Variants in EPB41L4B observed in about 807,000 individuals in gnomAD.
EPB41L4B encodes the protein erythrocyte membrane protein band 4.1 like 4B.
Under a neutral mutation model 112.5 loss-of-function variants are expected in EPB41L4B, and 30 were observed. That is an observed-to-expected ratio of 0.27 (90% confidence interval 0.20 to 0.36). EPB41L4B has a LOEUF of 0.36. Among genes scored for constraint, EPB41L4B ranks in the 10% least tolerant of loss-of-function variants. EPB41L4B has a pLI of 1.00. For synonymous variants in EPB41L4B, 408 were observed against 439.7 expected (o/e 0.93, Z 0.90); for missense variants, 1,024 against 1,133.3 (o/e 0.90, Z 1.38).
At chr9:109,312,608 T>C (rs898470764) in intron 1 of EPB41L4B, among the ~76,000 whole-genome samples, 1 of 152,166 alleles carries the variant, frequency 6.6e-6, no homozygotes, top group African/African-American at 2.4e-5. Flanking sequence ...GACAAGTTTC[T>C]TAACCTGTCT....
intron 24 of EPB41L4B, among the ~76,000 whole-genome samples, chr9:109,182,479 G>T (rs575599038): frequency 6.6e-6 from 1 of 152,200 alleles, no homozygotes; most frequent in Non-Finnish European, 1.5e-5. Flanking sequence ...TATTGGAACT[G>T]ATAGAAGTGG....
intron 24 of EPB41L4B, among the ~76,000 whole-genome samples, chr9:109,177,512 A>T (rs530691940): frequency 6.6e-6 from 1 of 152,312 alleles, no homozygotes; most frequent in East Asian, 1.9e-4. Context: ...GTATATAGAA[A>T]GCTTAGAAGA....
chr9:109,310,276 T>G (rs1462616670), intron 1 of EPB41L4B, among the ~76,000 whole-genome samples: 1 of 151,924 alleles, frequency 6.6e-6, no homozygotes, highest in African/African-American at 2.4e-5. Context: ...AACATGATAT[T>G]GTTTAGGAAA....
At chr9:109,237,945 CAGTGG>C (rs1450390575) in intron 15 of EPB41L4B, among the ~76,000 whole-genome samples, 2 of 151,898 alleles carry the variant, frequency 1.3e-5, no homozygotes, top group Non-Finnish European at 2.9e-5. Context: ...AATTAGATTT[CAGTGG>C]AGTGAACTGT....
intron 15 of EPB41L4B, among the ~76,000 whole-genome samples, chr9:109,219,925 G>A (rs566972686): frequency 6.6e-6 from 1 of 152,208 alleles, no homozygotes; most frequent in East Asian, 1.9e-4. Flanking sequence ...TGGACACAGA[G>A]AAGTAGTCCC....
Position 109,176,576 on chromosome 9 carries a change from G to T in EPB41L4B, c.2608C>A (p.Arg870=), listed in dbSNP as rs761185779. The part of the protein sequence containing the change: ...VSTVQTIYTT[R]KPVSLAASAE... ...CTGGCTGCCAGAGAAACAGGTTTCCGGGTGGTGTAAATGGTCTGCACTGTG... is the reference window on the plus strand; with the variant it reads ...CTGGCTGCCAGAGAAACAGGTTTCCTGGTGGTGTAAATGGTCTGCACTGTG... Residue 870 remains arginine (R), a synonymous_variant, in exon 25 of 26, where the codon CGG becomes AGG. Transcript: ENST00000374566. 6.2e-7 allele frequency: 1 copy of T among 1,610,836 alleles called. No homozygotes were observed. Among genetic ancestry groups the T allele is most frequent in the Admixed American group, 1.7e-5 (1 of 59,266 alleles).
At chr9:109,274,469 A>G (rs577934132) in intron 2 of EPB41L4B, among the ~76,000 whole-genome samples, 1 of 152,292 alleles carries the variant, frequency 6.6e-6, no homozygotes, top group African/African-American at 2.4e-5. Context: ...GGACCTTTAC[A>G]CTGGTTCTTT....
At chr9:109,259,958 T>C (rs1835136826) in intron 6 of EPB41L4B, among the ~76,000 whole-genome samples, 1 of 152,100 alleles carries the variant, frequency 6.6e-6, no homozygotes, top group South Asian at 2.1e-4. Flanking sequence ...AGCTCAGCTG[T>C]GGGTGAGGTG....
At chr9:109,226,818 T>C (rs1260983097) in intron 15 of EPB41L4B, among the ~76,000 whole-genome samples, 6 of 147,572 alleles carry the variant, frequency 4.1e-5, no homozygotes, top group Non-Finnish European at 7.4e-5. Context: ...GAAGAACATA[T>C]ATATATGAAG....
At chr9:109,312,618 T>G (rs1191687365) in intron 1 of EPB41L4B, among the ~76,000 whole-genome samples, 1 of 152,192 alleles carries the variant, frequency 6.6e-6, no homozygotes, top group Non-Finnish European at 1.5e-5. Flanking sequence ...TTAACCTGTC[T>G]GCTAAACCCT....
chr9:109,271,972 A>C (rs963701395), intron 2 of EPB41L4B, among the ~76,000 whole-genome samples: 17 of 152,206 alleles, frequency 1.1e-4, no homozygotes, highest in African/African-American at 4.1e-4. Flanking sequence ...TGACACCCAT[A>C]AGGCTGGTTG....
At chr9:109,215,270 A>ACTTTT (rs758384571) in intron 16 of EPB41L4B, among the ~76,000 whole-genome samples, 22 of 152,154 alleles carry the variant, frequency 1.4e-4, no homozygotes, top group East Asian at 1.2e-3. Context: ...CCACTTCAGT[A>ACTTTT]CTTTTCTTTT....
intron 15 of EPB41L4B, among the ~76,000 whole-genome samples, chr9:109,227,999 G>A (rs555375915): frequency 6.6e-6 from 1 of 152,306 alleles, no homozygotes; most frequent in South Asian, 2.1e-4. Flanking sequence ...ATTTTAAGAA[G>A]AGAATCACGT....
intron 21 of EPB41L4B, among the ~76,000 whole-genome samples, chr9:109,192,665 T>G (rs1832502021): frequency 6.6e-6 from 1 of 152,086 alleles, no homozygotes. Flanking sequence ...GTCCTCTGAA[T>G]GTATAAAGAG....
At chr9:109,284,785 A>G (rs1836207208) in intron 1 of EPB41L4B, among the ~76,000 whole-genome samples, 1 of 152,234 alleles carries the variant, frequency 6.6e-6, no homozygotes, top group South Asian at 2.1e-4. Flanking sequence ...CCATTCTGGT[A>G]CTTTTCCTTC....
chr9:109,295,603 A>G lies in EPB41L4B; in HGVS notation c.307-15682T>C, dbSNP rs1588219842. Among the ~76,000 whole-genome samples, 4 of 152,320 alleles carry G rather than the reference A, an allele frequency of 2.6e-5. No individual in the cohort carries two copies. The East Asian group carries it at 7.7e-4, about 29-fold the overall frequency. On this transcript the variant is annotated intron_variant, in intron 1 of 25. Transcript: ENST00000374566. ...ACAGCCAGGCAGTCACTGCAAAACC[A>G]GAATGAAAAGCAAACCTTCTGACCC...
intron 15 of EPB41L4B, chr9:109,240,425 C>A: frequency 1.2e-5 from 12 of 985,312 alleles, no homozygotes; most frequent in Non-Finnish European, 1.4e-5. Flanking sequence ...TAAAATATCT[C>A]AAAGGATGTC....
chr9:109,287,788 T>C (rs1156892274), intron 1 of EPB41L4B, among the ~76,000 whole-genome samples: 1 of 152,068 alleles, frequency 6.6e-6, no homozygotes, highest in Admixed American at 6.6e-5. Flanking sequence ...TGTACTCCAC[T>C]ATGGGGTCCC....
intron 20 of EPB41L4B, among the ~76,000 whole-genome samples, chr9:109,196,824 G>A (rs546275534): frequency 4.0e-5 from 6 of 149,578 alleles, no homozygotes; most frequent in African/African-American, 1.5e-4. Context: ...TTCCCTCCTT[G>A]TCATATTTCC....
Sources: allele counts gnomAD v4.1 joint callset (sites outside exome capture counted in the v4.1 genomes callset), GRCh38; gene constraint gnomAD v4.1.1; transcripts MANE v1.5; gene names NCBI Gene and HGNC (gene_info 2026-07-23, HGNC 2026-07-21).